Variants in HDAC9 observed in about 807,000 individuals in gnomAD.
HDAC9 encodes histone deacetylase 9, also known as MEF-2 interacting transcription repressor (MITR) protein.
In HDAC9, 41 loss-of-function variants were observed where a neutral mutation model predicts 139.4. The ratio of observed to expected loss-of-function variants is 0.29; its 90% CI spans 0.23 to 0.38. HDAC9 has a LOEUF of 0.38. HDAC9 is among the 10% of genes least tolerant of loss of function. HDAC9 has a pLI of 1.00. For missense variants in HDAC9, 1,147 were observed against 1,297.0 expected (o/e 0.88, Z 1.78); for synonymous variants, 517 against 476.2 (o/e 1.09, Z -1.12).
At chr7:18,850,943 T>C (rs898203909) in intron 21 of HDAC9, among the ~76,000 whole-genome samples, 2 of 152,214 alleles carry the variant, frequency 1.3e-5, no homozygotes, top group African/African-American at 4.8e-5. Context: ...TCTGCTCCCA[T>C]GGTCTAATCA....
At chr7:18,847,686 A>C (rs1797002163) in intron 21 of HDAC9, among the ~76,000 whole-genome samples, 1 of 152,220 alleles carries the variant, frequency 6.6e-6, no homozygotes, top group Non-Finnish European at 1.5e-5. Context: ...AAAACGAGGA[A>C]GTCTCCCCCT....
intron 1 of HDAC9, among the ~76,000 whole-genome samples, chr7:18,093,551 A>G (rs537010098): frequency 6.6e-6 from 1 of 152,308 alleles, no homozygotes; most frequent in South Asian, 2.1e-4. Flanking sequence ...CTTAGATCTA[A>G]AAGTAAGAAT....
At chr7:18,278,081 C>T (rs1796863959) in intron 2 of HDAC9, among the ~76,000 whole-genome samples, 1 of 152,220 alleles carries the variant, frequency 6.6e-6, no homozygotes. Flanking sequence ...ACAGGAATCT[C>T]TTCCTTTCGG....
At chr7:18,244,008 G>C (rs1429124915) in intron 2 of HDAC9, among the ~76,000 whole-genome samples, 1 of 152,226 alleles carries the variant, frequency 6.6e-6, no homozygotes, top group African/African-American at 2.4e-5. Flanking sequence ...GGGGGAGAAG[G>C]CTGAGTTTAT....
chr7:18,981,896 C>A lies in HDAC9; in HGVS notation c.3170+5943C>A, dbSNP rs191229784. 5.9e-3 allele frequency among the ~76,000 whole-genome samples: 899 copies of A among 151,990 alleles called. 12 individuals carry two copies. Among genetic ancestry groups the A allele is most frequent in the African/African-American group, 0.021 (858 of 41,436 alleles). On this transcript the variant is annotated intron_variant, in intron 25 of 25. Coordinates refer to ENST00000686413, the MANE Select transcript of HDAC9 (RefSeq NM_178425.4). ...CACAGAAACAAACATGAACAATCAA[C>A]TATAATAAATGACAAGTCTTTGATA...
chr7:18,448,690 T>C (rs1323749235), intron 1 of HDAC9, among the ~76,000 whole-genome samples: 1 of 152,166 alleles, frequency 6.6e-6, no homozygotes, highest in African/African-American at 2.4e-5. Flanking sequence ...TGGAAGAGAC[T>C]CCTTTCAAAA....
chr7:18,666,502 G>T, intron 12 of HDAC9, 26 bp downstream of exon 12: 1 of 1,597,894 alleles, frequency 6.3e-7, no homozygotes, highest in Non-Finnish European at 8.5e-7. Context: ...TTAGCTCCAG[G>T]ATTTGTAATT....
intron 6 of HDAC9, among the ~76,000 whole-genome samples, chr7:18,624,997 G>T (rs922330759): frequency 2.6e-5 from 4 of 151,918 alleles, no homozygotes; most frequent in African/African-American, 4.8e-5. Context: ...AATCTATGTT[G>T]TGCTTTACAG....
chr7:18,810,373 G>T (rs1794081099), intron 17 of HDAC9, among the ~76,000 whole-genome samples: 1 of 151,864 alleles, frequency 6.6e-6, no homozygotes, highest in Non-Finnish European at 1.5e-5. Flanking sequence ...GATTCTGGGA[G>T]TTAGTATGTG....
intron 1 of HDAC9, among the ~76,000 whole-genome samples, chr7:18,146,859 C>G (rs559258459): frequency 3.9e-5 from 6 of 152,196 alleles, no homozygotes; most frequent in African/African-American, 1.4e-4. Context: ...TTTTAATCCT[C>G]TCATAATGCC....
chr7:18,629,241 A>G, intron 6 of HDAC9, 109 bp from the exon 7 acceptor site: 7 of 1,010,844 alleles, frequency 6.9e-6, no homozygotes, highest in Non-Finnish European at 9.7e-6. Context: ...TTTGAGAATG[A>G]GAATGGACCA....
chr7:18,322,326 T>A (rs145608087), intron 1 of HDAC9, among the ~76,000 whole-genome samples: 7 of 152,284 alleles, frequency 4.6e-5, no homozygotes, highest in African/African-American at 1.7e-4. Context: ...TTTTTGGATG[T>A]TGAGAAAGGG....
chr7:18,573,906 C>T (rs879490588), intron 2 of HDAC9, among the ~76,000 whole-genome samples: 1 of 152,202 alleles, frequency 6.6e-6, no homozygotes, highest in Non-Finnish European at 1.5e-5. Flanking sequence ...AGCTCTTCTC[C>T]CCTTCTCATC....
intron 25 of HDAC9, among the ~76,000 whole-genome samples, chr7:18,985,356 G>A (rs1424804330): frequency 1.3e-5 from 2 of 152,106 alleles, no homozygotes; most frequent in Non-Finnish European, 2.9e-5. Flanking sequence ...TACTGAGAAT[G>A]ATGTTTTCCA....
intron 1 of HDAC9, among the ~76,000 whole-genome samples, chr7:18,465,686 G>T (rs1486189359): frequency 6.6e-6 from 1 of 151,880 alleles, no homozygotes; most frequent in African/African-American, 2.4e-5. Flanking sequence ...GATTTTTTTT[G>T]AGACTAAAGT....
intron 1 of HDAC9, among the ~76,000 whole-genome samples, chr7:18,407,348 A>G (rs1788106518): frequency 6.6e-6 from 1 of 152,236 alleles, no homozygotes; most frequent in Non-Finnish European, 1.5e-5. Context: ...ATAGTTGTTC[A>G]TCAGGGACAA....
rs1454949243 is a variant in HDAC9 at position 18,209,116 on chromosome 7, T to G, written c.25+46767T>G. 1.3e-5 allele frequency among the ~76,000 whole-genome samples: 2 copies of G among 152,244 alleles called. 1 individual carries two copies. ...TTGGTCTGTAATCTCCATAAACCAC[T>G]GTAGGCATAGACATTTTAATGGAAA... On this transcript the variant is annotated intron_variant, in intron 2 of 12. Transcript: ENST00000417496.
upstream of HDAC9, among the ~76,000 whole-genome samples, chr7:18,287,472 A>G (rs1797527137): frequency 6.6e-6 from 1 of 152,210 alleles, no homozygotes; most frequent in East Asian, 1.9e-4. Flanking sequence ...TAGCCTGAAG[A>G]CAAACTTTGC....
At chr7:18,222,669 A>G (rs973362817) in intron 2 of HDAC9, among the ~76,000 whole-genome samples, 2 of 152,152 alleles carry the variant, frequency 1.3e-5, no homozygotes, top group Non-Finnish European at 2.9e-5. Context: ...TGCTGTCTAC[A>G]TATTTAAAAC....
Sources: gnomAD v4.1 joint callset for allele counts (sites outside exome capture counted in the v4.1 genomes callset) on GRCh38, gnomAD v4.1.1 for gene constraint, MANE v1.5 for transcripts, NCBI Gene and HGNC (gene_info 2026-07-23, HGNC 2026-07-21) for gene names.